The following LCA5L variants were observed in gnomAD, a reference collection of about 807,000 sequenced individuals.
LCA5L encodes lebercilin-like protein.
In LCA5L, 35 loss-of-function variants were observed where a neutral mutation model predicts 45.4. That is an observed-to-expected ratio of 0.77 (90% confidence interval 0.59 to 1.02). LCA5L has a LOEUF of 1.02. Among genes scored for constraint, LCA5L ranks in the 50% least tolerant of loss-of-function variants. LCA5L has a pLI of 0.00. For missense variants in LCA5L, 668 were observed against 761.6 expected, an observed-to-expected ratio of 0.88 and a Z score of 1.45; for synonymous variants, 233 against 264.7, an observed-to-expected ratio of 0.88 and a Z score of 1.16.
At chr21:39,444,655 G>A (rs375011560) in intron 1 of LCA5L, 1 of 152,240 alleles carries the variant, frequency 6.6e-6, no homozygotes, top group African/African-American at 2.4e-5. Context: ...AGATGATGGG[G>A]GCCTGGACCA....
At chr21:39,432,831 A>G (rs1373693110) in intron 3 of LCA5L, among the ~76,000 whole-genome samples, 1 of 152,138 alleles carries the variant, frequency 6.6e-6, no homozygotes, top group Non-Finnish European at 1.5e-5. Context: ...CCATGTTACT[A>G]TGTGCATCAA....
chr21:39,411,843 C>A, intron 7 of LCA5L, 41 bp from the exon 8 acceptor site: 1 of 1,107,460 alleles, frequency 9.0e-7, no homozygotes, highest in Non-Finnish European at 1.4e-6. Flanking sequence ...TAAATGCTTG[C>A]TTTTGTCAAC....
At position 39,430,813 on chromosome 21, in the gene LCA5L, A is replaced by G. The variant is rs117948117; in HGVS notation, c.-91-1602T>C. ...ACCCTGTGGTTCAAACAACAATCTA[A>G]TCGCCAGTCACTGTTATTTCTGTAG... On this transcript the variant is annotated intron_variant, in intron 3 of 10. Coordinates refer to ENST00000288350, the MANE Select transcript of LCA5L (RefSeq NM_152505.4). Among the ~76,000 whole-genome samples, 1,073 of 152,184 alleles carry G rather than the reference A, an allele frequency of 7.1e-3. 3 individuals are homozygous for G. The highest frequency in any genetic ancestry group is 0.011 in the Non-Finnish European group (769 of 67,994).
At chr21:39,407,316 A>C (rs1408787632) in intron 10 of LCA5L, among the ~76,000 whole-genome samples, 1 of 152,172 alleles carries the variant, frequency 6.6e-6, no homozygotes, top group East Asian at 1.9e-4. Flanking sequence ...TTGGCAAATA[A>C]TTTCTAGAGC....
At chr21:39,415,596 A>G (rs1368105799) in intron 7 of LCA5L, among the ~76,000 whole-genome samples, 1 of 152,144 alleles carries the variant, frequency 6.6e-6, no homozygotes, top group Non-Finnish European at 1.5e-5. Context: ...CACTTCCCCC[A>G]ATCAATAATT....
chr21:39,415,979 G>A (rs995958786), intron 7 of LCA5L, among the ~76,000 whole-genome samples: 3 of 152,112 alleles, frequency 2.0e-5, no homozygotes, highest in Admixed American at 6.5e-5. Flanking sequence ...CAGGAAGCGC[G>A]TATCTCTTAT....
chr21:39,417,549 T>C (rs2041434641), intron 7 of LCA5L, among the ~76,000 whole-genome samples: 1 of 152,172 alleles, frequency 6.6e-6, no homozygotes, highest in Non-Finnish European at 1.5e-5. Context: ...TTAAATAGGA[T>C]TGTATTAGTC....
intron 7 of LCA5L, among the ~76,000 whole-genome samples, chr21:39,418,235 C>A (rs1486094499): frequency 6.6e-6 from 1 of 152,180 alleles, no homozygotes; most frequent in African/African-American, 2.4e-5. Context: ...GGTGGGGACA[C>A]AGCCAAACCA....
intron 2 of LCA5L, among the ~76,000 whole-genome samples, chr21:39,438,002 T>C (rs2076448922): frequency 6.6e-6 from 1 of 152,218 alleles, no homozygotes; most frequent in African/African-American, 2.4e-5. Flanking sequence ...CTGAGTAATT[T>C]TGTGAAATTT....
chr21:39,432,698 C>T (rs2075863091), intron 3 of LCA5L, among the ~76,000 whole-genome samples: 1 of 152,138 alleles, frequency 6.6e-6, no homozygotes, highest in Non-Finnish European at 1.5e-5. Context: ...CCCAGGCAAA[C>T]CCTGTTTTTT....
chr21:39,408,580 G>T (rs556646527), intron 10 of LCA5L: 2 of 152,490 alleles, frequency 1.3e-5, no homozygotes, highest in Admixed American at 1.3e-4. Context: ...CTGATGAAGT[G>T]TTGTACTCTC....
At chr21:39,417,807 C>G (rs1601783085) in intron 7 of LCA5L, among the ~76,000 whole-genome samples, 5 of 151,780 alleles carry the variant, frequency 3.3e-5, no homozygotes, top group African/African-American at 1.2e-4. Context: ...GCTCTGTCGC[C>G]CAGGCTGGAG....
intron 7 of LCA5L, among the ~76,000 whole-genome samples, chr21:39,416,201 G>A (rs73906034): frequency 0.16 from 24,530 of 152,116 alleles, 2,126 homozygotes; most frequent in African/African-American, 0.2. Context: ...GTCCTCTACT[G>A]ACCAGTCTTC....
chr21:39,416,009 A>T (rs149561773), intron 7 of LCA5L, among the ~76,000 whole-genome samples: 2 of 152,322 alleles, frequency 1.3e-5, no homozygotes, highest in African/African-American at 4.8e-5. Flanking sequence ...GGAGCCACTG[A>T]TGATCATTGA....
chr21:39,409,360 T>C lies in LCA5L; in HGVS notation c.1282+619A>G, dbSNP rs1326040380. On this transcript the variant is annotated intron_variant, in intron 10 of 10. Transcript: ENST00000288350. The surrounding 1 kb of genome is among the most constrained non-coding windows in gnomAD (Gnocchi z 4.2). ...ACCGGCAGTCTGTGGTATTTTCTTA[T>C]GGCAGCCCAAGCAGACGAATGTAGC... is the stretch of plus-strand genomic sequence containing the variant. Among the ~76,000 whole-genome samples the C allele has an allele frequency of 6.6e-6, 1 of 152,044 alleles. No homozygotes were observed.
rs368495578 is a variant in LCA5L at position 39,437,670 on chromosome 21, T to C, written c.-245-2097A>G. Among the ~76,000 whole-genome samples the C allele has an allele frequency of 2.0e-5, 3 of 152,080 alleles. No homozygotes were observed. The East Asian group carries it at 5.8e-4, about 29-fold the overall frequency. The stretch of plus-strand genomic sequence containing the variant: ...TTTCACCATGTTGCCCAGGCTAGTC[T>C]CAAACTCCTTGGCTCAAGAAATCTG... On this transcript the variant is annotated intron_variant, in intron 2 of 10. Coordinates refer to ENST00000288350, the MANE Select transcript of LCA5L (RefSeq NM_152505.4).
chr21:39,420,633 A>G (rs1024255844), intron 7 of LCA5L, 73 bp downstream of exon 7: 59 of 1,343,396 alleles, frequency 4.4e-5, no homozygotes, highest in Non-Finnish European at 6.1e-5. Flanking sequence ...ACTTAAAGAT[A>G]TAATAGACAT....
intron 3 of LCA5L, among the ~76,000 whole-genome samples, chr21:39,432,631 A>G (rs1218131110): frequency 6.6e-6 from 1 of 152,062 alleles, no homozygotes; most frequent in Admixed American, 6.6e-5. Flanking sequence ...TAATCTCCCA[A>G]AGCCTCCCAG....
At chr21:39,418,537 G>A (rs915937781) in intron 7 of LCA5L, among the ~76,000 whole-genome samples, 5 of 151,908 alleles carry the variant, frequency 3.3e-5, no homozygotes, top group African/African-American at 1.2e-4. Context: ...GCCTCACTCT[G>A]TCACCCAGGG....
Sources: gnomAD v4.1 joint callset for allele counts (sites outside exome capture counted in the v4.1 genomes callset) on GRCh38, gnomAD v4.1.1 for gene constraint, Gnocchi (gnomAD v3.1) non-coding constraint, MANE v1.5 for transcripts, NCBI Gene and HGNC (gene_info 2026-07-23, HGNC 2026-07-21) for gene names.